The following ATP2B1 variants were observed in gnomAD, a reference collection of about 807,000 sequenced individuals.
ATP2B1 encodes the protein plasma membrane calcium-transporting ATPase 1.
In ATP2B1, 14 loss-of-function variants were observed where a neutral mutation model predicts 124.2. That is an observed-to-expected ratio of 0.11 (90% CI 0.07 to 0.18). The LOEUF (loss-of-function observed/expected upper bound fraction) is 0.18, where lower values mean the gene tolerates loss of function less well. Ranked by LOEUF, ATP2B1 falls within the 10% of genes least tolerant of loss-of-function variation. The pLI is 1.00. For synonymous variants in ATP2B1, 449 were observed against 492.4 expected (o/e 0.91, Z 1.17); for missense variants, 763 against 1,466.1 (o/e 0.52, Z 7.83).
At position 89,655,692 on chromosome 12, in the gene ATP2B1, T is replaced by G; in HGVS notation, c.195A>C (p.Thr65=). The G allele has an allele frequency of 1.2e-6, 2 of 1,614,046 alleles. No homozygotes were observed. Among genetic ancestry groups the G allele is most frequent in the Non-Finnish European group, 8.5e-7 (1 of 1,179,904 alleles). ...AATAAAACTCACCTTCATTGGGAGA[T>G]GTTTTCAATTTGGTGCAAATTCCAT... ...DVYGICTKLK[T]SPNEGLSGNP... is the part of the protein sequence containing the mutation. The change falls in exon 2 of 21, where the codon ACA becomes ACC. Residue 65 remains threonine, a synonymous_variant. Transcript: ENST00000428670.
chr12:89,696,192 A>T (rs140393853), intron 1 of ATP2B1, among the ~76,000 whole-genome samples: 22 of 152,340 alleles, frequency 1.4e-4, no homozygotes, highest in African/African-American at 4.6e-4. Context: ...TAAAGCAGAG[A>T]CCTGGAAATG....
intron 1 of ATP2B1, among the ~76,000 whole-genome samples, chr12:89,677,954 T>TTATATATATATATGTGTATATA (rs1491452210): frequency 1.9e-4 from 13 of 68,758 alleles, no homozygotes; most frequent in African/African-American, 7.0e-4. Context: ...CATGCAGGAA[T>TTATATATATATATGTGTATATA]TATATATATA....
chr12:89,610,711 T>C, intron 13 of ATP2B1: 1 of 516,646 alleles, frequency 1.9e-6, no homozygotes, highest in Non-Finnish European at 3.4e-6. Flanking sequence ...CAGCAATCTG[T>C]GTTTTAATAA....
intron 1 of ATP2B1, among the ~76,000 whole-genome samples, chr12:89,656,480 A>G (rs1311205273): frequency 6.6e-6 from 1 of 152,180 alleles, no homozygotes; most frequent in Non-Finnish European, 1.5e-5. Flanking sequence ...TCTTCTAGTG[A>G]TAAGAGCAGA....
intron 7 of ATP2B1, among the ~76,000 whole-genome samples, 193 bp from the exon 8 acceptor site, chr12:89,626,808 C>T (rs1880951090): frequency 6.6e-6 from 1 of 152,050 alleles, no homozygotes; most frequent in Admixed American, 6.6e-5. Flanking sequence ...AACTTTGTAC[C>T]ATATTTGAAA....
chr12:89,694,950 G>A (rs1308776269), intron 1 of ATP2B1, among the ~76,000 whole-genome samples: 7 of 150,882 alleles, frequency 4.6e-5, no homozygotes, highest in Admixed American at 1.3e-4. Context: ...CCAGCTACCC[G>A]GGAGGCTAAG....
chr12:89,632,037 G>A (rs889814575), intron 5 of ATP2B1, among the ~76,000 whole-genome samples: 6 of 152,068 alleles, frequency 3.9e-5, no homozygotes, highest in Non-Finnish European at 5.9e-5. Context: ...GTCTGCTTAC[G>A]GTTCTCCGAC....
chr12:89,595,015 C>T (rs944944606), intron 20 of ATP2B1: 2 of 151,998 alleles, frequency 1.3e-5, no homozygotes, highest in Non-Finnish European at 2.9e-5. Flanking sequence ...TGGGTACTTG[C>T]ATATTAAATT....
chr12:89,651,725 A>G (rs955559200), intron 2 of ATP2B1, among the ~76,000 whole-genome samples: 2 of 152,188 alleles, frequency 1.3e-5, no homozygotes, highest in East Asian at 3.9e-4. Context: ...CTCTTTTACA[A>G]GCTATGTGAA....
At chr12:89,597,405 G>A (rs531741193) in intron 20 of ATP2B1, among the ~76,000 whole-genome samples, 1 of 152,256 alleles carries the variant, frequency 6.6e-6, no homozygotes, top group East Asian at 1.9e-4. Flanking sequence ...CTGCTTATTA[G>A]TCGTAGAGAA....
intron 1 of ATP2B1, among the ~76,000 whole-genome samples, chr12:89,693,389 A>G (rs997778763): frequency 6.6e-6 from 1 of 152,246 alleles, no homozygotes; most frequent in Non-Finnish European, 1.5e-5. Context: ...GGACACATTC[A>G]TTTATTAAGT....
intron 2 of ATP2B1, among the ~76,000 whole-genome samples, chr12:89,643,196 A>G (rs528986710): frequency 1.9e-4 from 28 of 150,696 alleles, no homozygotes; most frequent in Non-Finnish European, 2.8e-4. Flanking sequence ...GTATATATGT[A>G]TATATGTGTG....
At chr12:89,657,476 C>T (rs1886100710) in intron 1 of ATP2B1, among the ~76,000 whole-genome samples, 1 of 152,200 alleles carries the variant, frequency 6.6e-6, no homozygotes, top group African/African-American at 2.4e-5. Flanking sequence ...CGTCTTCCCA[C>T]CTCAAGCAAT....
At chr12:89,601,474 T>C (rs866847354) in intron 18 of ATP2B1, 41 bp from the exon 19 acceptor site, 2 of 1,319,070 alleles carry the variant, frequency 1.5e-6, no homozygotes, top group Middle Eastern at 1.9e-4. Flanking sequence ...AAATCTTAAA[T>C]TTTAAAATTC....
Position 89,626,755 on chromosome 12 carries a change from G to C in ATP2B1, c.968-140C>G. 4 of 879,904 alleles carry C rather than the reference G, an allele frequency of 4.5e-6. No homozygotes were observed. The South Asian group carries it at 7.8e-5, about 17-fold the overall frequency. The allele number at this position is 879,904 out of a possible 1,614,324, so 54.5% of individuals were successfully genotyped here. The stretch of plus-strand genomic sequence containing the variant: ...TTCAGCTTTGTGAGTGTGTGTGTGT[G>C]TCTACACAGAGAAAATAAGACAATA... On this transcript the variant is annotated intron_variant, in intron 7 of 20. Transcript: ENST00000428670.
At position 89,655,981 on chromosome 12, in the gene ATP2B1, T is replaced by A; in HGVS notation, c.-95A>T. The stretch of plus-strand genomic sequence containing the variant: ...GATGAAAATCTTTTAAGTATGAAAA[T>A]CTTTCTTAAACCAAACACTCATTGT... On this transcript the variant is annotated 5_prime_UTR_variant, in exon 2 of 21. Transcript: ENST00000428670. 7.6e-7 allele frequency: 1 copy of A among 1,319,736 alleles called. No individual in the cohort carries two copies. Among genetic ancestry groups the A allele is most frequent in the Non-Finnish European group, 1.0e-6 (1 of 975,504 alleles). The allele number at this position is 1,319,736 out of a possible 1,614,324, so 81.8% of individuals were successfully genotyped here.
At chr12:89,610,723 C>T (rs764865079) in intron 13 of ATP2B1, 164 of 504,192 alleles carry the variant, frequency 3.3e-4, no homozygotes, top group Non-Finnish European at 5.1e-4. Flanking sequence ...TTTTAATAAT[C>T]TTGCTAGGTG....
chr12:89,683,101 T>C (rs1319494235), intron 1 of ATP2B1, among the ~76,000 whole-genome samples: 1 of 152,128 alleles, frequency 6.6e-6, no homozygotes, highest in Non-Finnish European at 1.5e-5. Flanking sequence ...GAAATGCAAA[T>C]TAAAACTATG....
In ATP2B1 at chr12:89,621,601, G is replaced by T. The variant is rs1431971422; in HGVS notation, c.1535C>A (p.Ser512Tyr). The part of the protein sequence containing the change: ...EPEAIPPNIL[S>Y]YLVTGISVNC... ...CACAGAAATTCCTGTTACAAGATAGGACAAAATATTTGGTGGAATAGCTTC... is the reference window on the plus strand; with the variant it reads ...CACAGAAATTCCTGTTACAAGATAGTACAAAATATTTGGTGGAATAGCTTC... Residue 512 changes from serine (S) to tyrosine (Y), a missense_variant, in exon 10 of 21, where the codon TCC becomes TAC. Physicochemically the swap from Ser to Tyr is moderately radical, Grantham distance 144. This residue lies in a region of ATP2B1 where 392 missense variants were observed against 776.6 expected (regional missense o/e 0.50). Transcript: ENST00000428670. 2 of 1,608,144 alleles carry T rather than the reference G, an allele frequency of 1.2e-6. No homozygotes were observed. Among genetic ancestry groups the T allele is most frequent in the Non-Finnish European group, 1.7e-6 (2 of 1,175,942 alleles).
Sources: allele counts gnomAD v4.1 joint callset (sites outside exome capture counted in the v4.1 genomes callset), GRCh38; gene constraint gnomAD v4.1.1; regional missense constraint gnomAD v4.1.1; transcripts MANE v1.5; gene names NCBI Gene and HGNC (gene_info 2026-07-23, HGNC 2026-07-21).